Variants in CPEB3 observed in about 807,000 individuals in gnomAD.
CPEB3 encodes the protein cytoplasmic polyadenylation element binding protein 3.
CPEB3 carries 20 observed loss-of-function variants against 67.2 expected under a neutral mutation model. The ratio of observed to expected loss-of-function variants is 0.30; its 90% CI spans 0.21 to 0.43. The LOEUF (loss-of-function observed/expected upper bound fraction) is 0.43. Among genes scored for constraint, CPEB3 ranks in the 20% least tolerant of loss-of-function variants. The pLI is 1.00. For missense variants in CPEB3, 746 were observed against 968.6 expected (o/e 0.77, Z 3.05); for synonymous variants, 376 against 393.1 (o/e 0.96, Z 0.51).
intron 7 of CPEB3, among the ~76,000 whole-genome samples, chr10:92,096,803 C>T (rs940141684): frequency 1.3e-5 from 2 of 152,072 alleles, no homozygotes; most frequent in African/African-American, 4.8e-5. Flanking sequence ...GTTAGCTGGG[C>T]GTGGTGGCAG....
chr10:92,266,054 T>C (rs899958043), intron 1 of CPEB3, among the ~76,000 whole-genome samples: 1 of 152,256 alleles, frequency 6.6e-6, no homozygotes, highest in African/African-American at 2.4e-5. Context: ...GCCCTCGACA[T>C]GTGATGCCCT....
chr10:92,128,638 C>A, intron 6 of CPEB3, among the ~76,000 whole-genome samples: 1 of 151,910 alleles, frequency 6.6e-6, no homozygotes, highest in African/African-American at 2.4e-5. Context: ...TAAGGAACTT[C>A]AACAAATTTA....
intron 8 of CPEB3, 24 bp downstream of exon 8, chr10:92,091,806 T>A (rs1412993601): frequency 3.6e-6 from 5 of 1,383,688 alleles, no homozygotes; most frequent in Non-Finnish European, 5.1e-6. Context: ...GTTTTGTTGT[T>A]GTGGTATTAC....
intron 4 of CPEB3, among the ~76,000 whole-genome samples, chr10:92,152,767 C>A (rs1042515390): frequency 1.3e-5 from 2 of 152,172 alleles, no homozygotes; most frequent in African/African-American, 4.8e-5. Context: ...GTGACCTCCC[C>A]TATTCTTTTC....
chr10:92,113,613 T>C (rs1257800358), intron 6 of CPEB3, among the ~76,000 whole-genome samples: 2 of 152,172 alleles, frequency 1.3e-5, no homozygotes, highest in African/African-American at 4.8e-5. Flanking sequence ...GCCCAGTGAG[T>C]TGGGGCTTTC....
chr10:92,082,722 C>T (rs181358287), intron 8 of CPEB3, among the ~76,000 whole-genome samples: 10 of 152,266 alleles, frequency 6.6e-5, no homozygotes, highest in African/African-American at 2.4e-4. Context: ...ATGACCATTC[C>T]TTTTAGGCTA....
intron 1 of CPEB3, among the ~76,000 whole-genome samples, chr10:92,256,607 G>A (rs970690324): frequency 1.3e-5 from 2 of 151,916 alleles, no homozygotes; most frequent in African/African-American, 2.4e-5. Flanking sequence ...GGATGGTCTC[G>A]ATCTCTTGAC....
At chr10:92,216,802 G>A (rs1052257062) in intron 2 of CPEB3, 299 of 1,608,172 alleles carry the variant, frequency 1.9e-4, no homozygotes, top group Non-Finnish European at 2.3e-4. Flanking sequence ...GAGGAGCTCC[G>A]GTAGCACCTG....
chr10:92,147,687 G>C (rs1307189012), intron 4 of CPEB3, among the ~76,000 whole-genome samples: 1 of 152,080 alleles, frequency 6.6e-6, no homozygotes, highest in African/African-American at 2.4e-5. Context: ...AGTGACACAA[G>C]AACACAACTT....
At chr10:92,111,010 A>C in intron 7 of CPEB3, 66 bp downstream of exon 7, 1 of 1,086,658 alleles carries the variant, frequency 9.2e-7, no homozygotes, top group Non-Finnish European at 1.4e-6. Context: ...TATCAGAAAG[A>C]GGAGGTCAGC....
At chr10:92,063,708 G>A (rs1842443540) in intron 9 of CPEB3, among the ~76,000 whole-genome samples, 1 of 151,388 alleles carries the variant, frequency 6.6e-6, no homozygotes, top group Non-Finnish European at 1.5e-5. Context: ...AGGTTGCAGT[G>A]AGCCAAGATC....
intron 2 of CPEB3, among the ~76,000 whole-genome samples, chr10:92,230,381 T>G (rs1851212157): frequency 6.6e-6 from 1 of 152,218 alleles, no homozygotes; most frequent in Admixed American, 6.5e-5. Context: ...TTGTGTGTAT[T>G]AATTCTATGA....
chr10:92,107,021 T>C (rs1442651202), intron 7 of CPEB3, among the ~76,000 whole-genome samples: 1 of 152,118 alleles, frequency 6.6e-6, no homozygotes, highest in Non-Finnish European at 1.5e-5. Context: ...GGATCTGGAC[T>C]GCTTTTGTAA....
At chr10:92,113,630 T>C (rs1191787023) in intron 6 of CPEB3, among the ~76,000 whole-genome samples, 1 of 152,212 alleles carries the variant, frequency 6.6e-6, no homozygotes. Flanking sequence ...TTTCTCTTAT[T>C]CCTTGCCTCA....
At chr10:92,237,694 G>C (rs1851606133) in intron 2 of CPEB3, among the ~76,000 whole-genome samples, 1 of 152,162 alleles carries the variant, frequency 6.6e-6, no homozygotes, top group African/African-American at 2.4e-5. Context: ...AGAATAAAGA[G>C]AGGGAATGTT....
rs560860582 is a variant in CPEB3, at chr10:92,153,712, C to T, written c.1223-8627G>A. On this transcript the variant is annotated intron_variant, in intron 4 of 9. Transcript: ENST00000265997. ...AGGCGAATTGCTTGAACTTGGGAGG[C>T]GGAGGCTGCAGTGAGCCAAGATTGC... is the stretch of plus-strand genomic sequence containing the variant. 4.4e-4 allele frequency among the ~76,000 whole-genome samples: 67 copies of T among 152,154 alleles called. No individual in the cohort carries two copies. In the South Asian group the frequency reaches 7.9e-3, roughly 18 times the overall value.
At chr10:92,062,705 A>T (rs1842400508) in intron 9 of CPEB3, among the ~76,000 whole-genome samples, 1 of 152,232 alleles carries the variant, frequency 6.6e-6, no homozygotes, top group African/African-American at 2.4e-5. Flanking sequence ...CAACAAACAA[A>T]TATATAACAA....
intron 7 of CPEB3, among the ~76,000 whole-genome samples, chr10:92,099,961 C>T (rs1403413334): frequency 6.6e-6 from 1 of 151,960 alleles, no homozygotes. Context: ...GCCAAGAGTT[C>T]GAGACCAGCC....
chr10:92,136,198 G>T (rs575774013), intron 6 of CPEB3, among the ~76,000 whole-genome samples: 16 of 151,804 alleles, frequency 1.1e-4, no homozygotes, highest in African/African-American at 3.6e-4. Flanking sequence ...CTCAAACTAT[G>T]AAACTACTAA....
Sources: allele counts gnomAD v4.1 joint callset (sites outside exome capture counted in the v4.1 genomes callset), GRCh38; gene constraint gnomAD v4.1.1; transcripts MANE v1.5; gene names NCBI Gene and HGNC (gene_info 2026-07-23, HGNC 2026-07-21).